DOCK8: variants seen among roughly 807,000 people sequenced by gnomAD.
The protein encoded by DOCK8 is dedicator of cytokinesis protein 8.
Under a neutral mutation model 245.6 loss-of-function variants are expected in DOCK8, and 141 were observed. The observed-to-expected ratio is 0.57, with a 90% CI of 0.50 to 0.66. DOCK8 has a LOEUF of 0.66. DOCK8 is among the 30% of genes least tolerant of loss of function. The probability of loss-of-function intolerance (pLI) is 0.00; values close to 1 mark genes in which losing one functional copy is unlikely to be tolerated. For synonymous variants in DOCK8, 1,168 were observed against 970.2 expected (o/e 1.20, Z -3.79); for missense variants, 2,965 against 2,603.4 (o/e 1.14, Z -3.02).
intron 1 of DOCK8, among the ~76,000 whole-genome samples, chr9:252,704 T>G (rs1425405653): frequency 1.3e-5 from 2 of 150,810 alleles, no homozygotes; most frequent in Non-Finnish European, 2.9e-5. Flanking sequence ...CTTGGTAGGC[T>G]GAGGCAGGAG....
upstream of DOCK8, chr9:214,122 C>A: frequency 3.9e-6 from 1 of 253,880 alleles, no homozygotes; most frequent in Non-Finnish European, 7.6e-6. Flanking sequence ...ACGCCGGCAC[C>A]TTGAAGCGAA....
At chr9:254,453 AG>A (rs2047722514) in intron 1 of DOCK8, among the ~76,000 whole-genome samples, 1 of 152,152 alleles carries the variant, frequency 6.6e-6, no homozygotes, top group African/African-American at 2.4e-5. Context: ...TACTTTAGCA[AG>A]ATTACCTTTC....
intron 1 of DOCK8, among the ~76,000 whole-genome samples, chr9:260,885 A>G (rs983810643): frequency 2.3e-4 from 35 of 152,354 alleles, no homozygotes; most frequent in African/African-American, 8.4e-4. Flanking sequence ...GGTGAACACT[A>G]CAACATAGAC....
At chr9:311,178 G>A (rs900492717) in intron 5 of DOCK8, among the ~76,000 whole-genome samples, 3 of 151,902 alleles carry the variant, frequency 2.0e-5, no homozygotes, top group Admixed American at 6.6e-5. Flanking sequence ...CCATCTGCTA[G>A]GGAGGCCGAC....
intron 26 of DOCK8, among the ~76,000 whole-genome samples, 193 bp from the exon 27 acceptor site, chr9:404,725 G>C (rs993917145): frequency 1.3e-5 from 2 of 152,142 alleles, no homozygotes; most frequent in African/African-American, 4.8e-5. Flanking sequence ...GAATCACTAA[G>C]GGGAACAGTA....
At position 434,971 on chromosome 9, in the gene DOCK8, T is replaced by C; in HGVS notation, c.5075T>C (p.Phe1692Ser). Reference protein sequence around the residue: ...HSYLPVGSVSFQNISSNVLEE... With the variant: ...HSYLPVGSVSSQNISSNVLEE... ...TACCTGCCCGTGGGCAGTGTCAGCT[T>C]CCAGGTAGGGTGTGTGCAGCTTTTC... Residue 1692 changes from phenylalanine to serine, a missense_variant, in exon 39 of 48, where the codon TTC becomes TCC. Phe to Ser is a radical substitution (Grantham distance 155). This residue lies in a region of DOCK8 where 2,825 missense variants were observed against 2,453.5 expected (regional missense o/e 1.15). Coordinates refer to ENST00000432829, the MANE Select transcript of DOCK8 (RefSeq NM_203447.4). The C allele has an allele frequency of 6.2e-7, 1 of 1,612,600 alleles. No individual in the cohort carries two copies. The highest frequency in any genetic ancestry group is 1.1e-5 in the South Asian group (1 of 91,016).
At chr9:420,812 G>A in intron 31 of DOCK8, 137 bp from the exon 32 acceptor site, 1 of 1,328,614 alleles carries the variant, frequency 7.5e-7, no homozygotes, top group South Asian at 1.2e-5. Flanking sequence ...TGGCCCATAG[G>A]ATGCTCCAGA....
chr9:460,046 A>G (rs187559333), intron 46 of DOCK8: 3 of 152,310 alleles, frequency 2.0e-5, no homozygotes, highest in Admixed American at 6.5e-5. Flanking sequence ...CAGAAATACA[A>G]TCTGCTACAC....
chr9:415,685 C>T (rs903631027), intron 29 of DOCK8, among the ~76,000 whole-genome samples: 9 of 143,492 alleles, frequency 6.3e-5, no homozygotes, highest in African/African-American at 1.3e-4. Context: ...CACGTGTGTG[C>T]GCGCGTGCAC....
At chr9:354,246 C>G (rs2052318255) in intron 14 of DOCK8, among the ~76,000 whole-genome samples, 1 of 152,106 alleles carries the variant, frequency 6.6e-6, no homozygotes, top group Non-Finnish European at 1.5e-5. Context: ...GCAGGAGAAT[C>G]ACTTGAACCC....
At chr9:417,515 ATAC>A (rs2056080501) in intron 29 of DOCK8, among the ~76,000 whole-genome samples, 1 of 152,192 alleles carries the variant, frequency 6.6e-6, no homozygotes, top group African/African-American at 2.4e-5. Flanking sequence ...TTTTGATTGT[ATAC>A]TGGTAGCATT....
chr9:304,852 T>C (rs565134097), intron 5 of DOCK8, 148 bp downstream of exon 5: 89 of 1,143,224 alleles, frequency 7.8e-5, no homozygotes, highest in Non-Finnish European at 1.1e-4. Flanking sequence ...ATTTTTTTTT[T>C]CAAACTTATT....
rs776225052 is a variant in DOCK8 at position 372,280 on chromosome 9, T to G, written c.2103T>G (p.Ser701=). 2.5e-6 allele frequency: 4 copies of G among 1,613,436 alleles called. No homozygotes were observed. In the Admixed American group the frequency reaches 6.7e-5, roughly 27 times the overall value. The change falls in exon 18 of 48, where the codon TCT becomes TCG. Residue 701 remains serine, a synonymous_variant. Coordinates refer to ENST00000432829, the MANE Select transcript of DOCK8 (RefSeq NM_203447.4). The part of the protein sequence containing the change: ...EKLPPNYSMH[S]AEKVPLQNPP... The stretch of plus-strand genomic sequence containing the variant: ...TGCCACCCAACTACTCCATGCATTC[T>G]GCTGAGGTAATTGGCAAGCTGGCCA...
At chr9:254,851 C>T (rs1291010330) in intron 1 of DOCK8, among the ~76,000 whole-genome samples, 1 of 152,198 alleles carries the variant, frequency 6.6e-6, no homozygotes, top group Admixed American at 6.5e-5. Context: ...AGGTGGACTA[C>T]ATCTGAACCC....
intron 14 of DOCK8, among the ~76,000 whole-genome samples, chr9:343,367 C>G (rs1199172799): frequency 6.6e-6 from 1 of 151,990 alleles, no homozygotes; most frequent in African/African-American, 2.4e-5. Context: ...TGGTATTGTG[C>G]ATCCCTGTAG....
chr9:262,134 T>C (rs575827668), intron 1 of DOCK8, among the ~76,000 whole-genome samples: 2 of 152,204 alleles, frequency 1.3e-5, no homozygotes, highest in East Asian at 1.9e-4. Context: ...ATGAAAACTT[T>C]CTTAGCATCA....
chr9:375,883 G>A (rs1352799111), intron 18 of DOCK8, among the ~76,000 whole-genome samples: 3 of 152,202 alleles, frequency 2.0e-5, no homozygotes, highest in East Asian at 1.9e-4. Context: ...TGTAGTCCCC[G>A]CTACTCCAGA....
At position 400,454 on chromosome 9, in the gene DOCK8, TCTTCACCATCACCACCACCCACCTC is replaced by T. The variant is rs1564013956; in HGVS notation, c.3234+1215_3234+1239del. Reference sequence around the variant, plus strand: ...ACCACCACCTCCACCACCACCAGCATCTTCACCATCACCACCACCCACCTCCTTCACCATCACCACCACCTCCACC... The same window carrying T: ...ACCACCACCTCCACCACCACCAGCATCTTCACCATCACCACCACCTCCACC... On this transcript the variant is annotated intron_variant, in intron 26 of 47. Transcript: ENST00000432829. Among the ~76,000 whole-genome samples, 2 of 1,110 alleles carry T rather than the reference TCTTCACCATCACCACCACCCACCTC, an allele frequency of 1.8e-3. 1 individual carries two copies. The highest frequency in any genetic ancestry group is 0.016 in the Admixed American group (2 of 126). 0.7% of individuals were successfully genotyped at this position (1,110 alleles called of 152,430 possible). A position where few individuals can be genotyped will look rare whatever the true frequency, so the allele number is the denominator to read the frequency against.
chr9:462,401 T>C (rs2057833415), intron 46 of DOCK8, among the ~76,000 whole-genome samples: 1 of 152,224 alleles, frequency 6.6e-6, no homozygotes, highest in South Asian at 2.1e-4. Flanking sequence ...GGCCCTAAGC[T>C]GATAGCAAGT....
Sources: gnomAD v4.1 joint callset for allele counts (sites outside exome capture counted in the v4.1 genomes callset) on GRCh38, gnomAD v4.1.1 for gene constraint, gnomAD v4.1.1 regional missense constraint, MANE v1.5 for transcripts, NCBI Gene and HGNC (gene_info 2026-07-23, HGNC 2026-07-21) for gene names.